Variants in NANP observed in about 807,000 individuals in gnomAD.
NANP encodes the protein N-acylneuraminate-9-phosphatase.
In NANP, 15 loss-of-function variants were observed where a neutral mutation model predicts 16.9. That is an observed-to-expected ratio of 0.89 (90% CI 0.59 to 1.37). The LOEUF (loss-of-function observed/expected upper bound fraction) is 1.37, where lower values mean the gene tolerates loss of function less well. Among genes scored for constraint, NANP ranks in the 40% most tolerant of loss-of-function variants. NANP has a pLI of 0.00. For missense variants in NANP, 290 were observed against 303.5 expected (o/e 0.96, Z 0.33); for synonymous variants, 135 against 112.6 (o/e 1.20, Z -1.26).
At chr20:25,621,717 G>A (rs980750311) in intron 1 of NANP, among the ~76,000 whole-genome samples, 2 of 152,176 alleles carry the variant, frequency 1.3e-5, no homozygotes, top group Non-Finnish European at 2.9e-5. Flanking sequence ...AACACACCCG[G>A]CTAATTTTTG....
At chr20:25,620,253 T>C (rs1278504122) in intron 1 of NANP, among the ~76,000 whole-genome samples, 5 of 152,202 alleles carry the variant, frequency 3.3e-5, no homozygotes, top group South Asian at 4.1e-4. Context: ...GGCGTGATGA[T>C]ACTTTGTGTC....
At chr20:25,621,679 C>T (rs951250130) in intron 1 of NANP, among the ~76,000 whole-genome samples, 1 of 152,206 alleles carries the variant, frequency 6.6e-6, no homozygotes, top group Non-Finnish European at 1.5e-5. Flanking sequence ...CTCAGCCTCC[C>T]CAGTAGCTGG....
chr20:25,621,168 G>A (rs963872911), intron 1 of NANP, among the ~76,000 whole-genome samples: 8 of 152,116 alleles, frequency 5.3e-5, no homozygotes, highest in African/African-American at 1.9e-4. Context: ...CAGCGCTTCT[G>A]TTATTTTTAT....
In NANP at chr20:25,616,085, T is replaced by A. The variant is rs1249308029; in HGVS notation, c.587A>T (p.Gln196Leu). 1 of 1,614,208 alleles carries A rather than the reference T, an allele frequency of 6.2e-7. No homozygotes were observed. Among genetic ancestry groups the A allele is most frequent in the Non-Finnish European group, 8.5e-7 (1 of 1,180,038 alleles). ...TTTCAATCCTGCATTGAGGCCTCCT[T>A]GGATGTCGGTTTCTAATGTGTCACC... ...MVGDTLETDI[Q>L]GGLNAGLKAT... The change falls in exon 2 of 2, where the codon CAA (glutamine) becomes CTA (leucine). Residue 196 changes from glutamine (Q) to leucine (L), a missense_variant. By Grantham distance (113) the Gln-to-Leu change is moderately radical. Transcript: ENST00000304788.
Position 25,616,016 on chromosome 20 carries a change from G to A in NANP, c.656C>T (p.Ser219Phe). 6.2e-7 allele frequency: 1 copy of A among 1,614,184 alleles called. No homozygotes were observed. Among genetic ancestry groups the A allele is most frequent in the East Asian group, 2.2e-5 (1 of 44,888 alleles). Residue 219 changes from serine to phenylalanine, a missense_variant, in exon 2 of 2, where the codon TCC (serine) becomes TTC (phenylalanine). Physicochemically the swap from Ser to Phe is radical, Grantham distance 155. Transcript: ENST00000304788. ...AACCATGTAATGCGGAACTGGGGAG[G>A]ACTTCAGTGGCACTATTCCATTTTT... ...INKNGIVPLKSSPVPHYMVSS... is the reference protein window; with the variant it reads ...INKNGIVPLKFSPVPHYMVSS...
chr20:25,620,427 G>A (rs2065359836), intron 1 of NANP, among the ~76,000 whole-genome samples: 1 of 152,146 alleles, frequency 6.6e-6, no homozygotes, highest in Admixed American at 6.5e-5. Flanking sequence ...GGCTCTCTCT[G>A]AACGTATACG....
Position 25,613,760 on chromosome 20 carries a change from A to G in NANP, c.*2165T>C, listed in dbSNP as rs1472786620. On this transcript the variant is annotated 3_prime_UTR_variant, in exon 2 of 2. Transcript: ENST00000304788. Reference sequence around the variant, plus strand: ...TAATTATTCAATTTTTTCCTTCTACATCATTTCTGCTGGAGAACTGCTCAC... The same window carrying G: ...TAATTATTCAATTTTTTCCTTCTACGTCATTTCTGCTGGAGAACTGCTCAC... 3 of 398,444 alleles carry G rather than the reference A, an allele frequency of 7.5e-6. No homozygotes were observed. In the Admixed American group the frequency reaches 1.3e-4, roughly 18 times the overall value. 24.7% of individuals were successfully genotyped at this position (398,444 alleles called of 1,614,324 possible). A position where few individuals can be genotyped will look rare whatever the true frequency, so the allele number is the denominator to read the frequency against.
intron 1 of NANP, among the ~76,000 whole-genome samples, chr20:25,616,801 A>AATATATATG (rs2065345655): frequency 1.3e-5 from 2 of 152,160 alleles, no homozygotes; most frequent in African/African-American, 4.8e-5. Context: ...TTTTAAAGCC[A>AATATATATG]ACTTCTTCAT....
In NANP at chr20:25,615,934, C is replaced by T; in HGVS notation, c.738G>A (p.Met246Ile). The part of the protein sequence containing the change: ...LLQSIDCKVS[M>I]ST ...TGCCCTTTTATGTGCTTTAAGTGGACATACTGACTTTGCAGTCTATACTTT... is the reference window on the plus strand; with the variant it reads ...TGCCCTTTTATGTGCTTTAAGTGGATATACTGACTTTGCAGTCTATACTTT... The change falls in exon 2 of 2, where the codon ATG becomes ATA. Residue 246 changes from methionine to isoleucine, a missense_variant. Transcript: ENST00000304788. 1.2e-6 allele frequency: 2 copies of T among 1,609,984 alleles called. No individual in the cohort carries two copies. The highest frequency in any genetic ancestry group is 1.1e-5 in the South Asian group (1 of 90,374).
Position 25,616,419 on chromosome 20 carries a change from CTT to C in NANP, c.251_252del (p.Lys84ArgfsTer6). On this transcript the variant is annotated frameshift_variant, in exon 2 of 2. Coordinates refer to ENST00000304788, the MANE Select transcript of NANP (RefSeq NM_152667.3). LOFTEE classifies it high-confidence loss of function. ...GCCAATTTTCTATTGGCTGCACCAC[CTT>C]TTGTTTCCTGGATTGCTTCTTCCCA... ...SHWEEAIQET[K>X]GGAANRKLAE... is the part of the protein sequence containing the mutation. 1 of 1,614,150 alleles carries C rather than the reference CTT, an allele frequency of 6.2e-7. No homozygotes were observed. Among genetic ancestry groups the C allele is most frequent in the Non-Finnish European group, 8.5e-7 (1 of 1,180,020 alleles).
At chr20:25,620,081 C>T (rs925585752) in intron 1 of NANP, among the ~76,000 whole-genome samples, 4 of 152,206 alleles carry the variant, frequency 2.6e-5, no homozygotes, top group Non-Finnish European at 5.9e-5. Flanking sequence ...ACAATATTAA[C>T]ATCTTTAGGA....
Position 25,613,146 on chromosome 20 carries a change from A to G in NANP, c.*2779T>C, listed in dbSNP as rs1408226256. On this transcript the variant is annotated 3_prime_UTR_variant, in exon 2 of 2. Coordinates refer to ENST00000304788, the MANE Select transcript of NANP (RefSeq NM_152667.3). ...ATGTTATATTTATATTTATTTATATACATGTGTTATATTTATATTTATATA... is the reference window on the plus strand; with the variant it reads ...ATGTTATATTTATATTTATTTATATGCATGTGTTATATTTATATTTATATA... 2.0e-5 allele frequency: 3 copies of G among 151,824 alleles called. No homozygotes were observed. Among genetic ancestry groups the G allele is most frequent in the South Asian group, 2.1e-4 (1 of 4,824 alleles). The allele number at this position is 151,824 out of a possible 1,614,324, so 9.4% of individuals were successfully genotyped here. A position where few individuals can be genotyped will look rare whatever the true frequency, so the allele number is the denominator to read the frequency against.
intron 1 of NANP, among the ~76,000 whole-genome samples, chr20:25,619,094 A>G (rs1441295658): frequency 6.6e-6 from 1 of 152,084 alleles, no homozygotes; most frequent in African/African-American, 2.4e-5. Context: ...CCCTCAGAGT[A>G]AAAGAATCAC....
At chr20:25,618,014 A>T (rs549074912) in intron 1 of NANP, among the ~76,000 whole-genome samples, 1 of 152,132 alleles carries the variant, frequency 6.6e-6, no homozygotes, top group Admixed American at 6.6e-5. Flanking sequence ...CCATGTTCCA[A>T]ATTAGGCAGG....
In NANP at chr20:25,614,118, T is replaced by A; in HGVS notation, c.*1807A>T. On this transcript the variant is annotated 3_prime_UTR_variant, in exon 2 of 2. Coordinates refer to ENST00000304788, the MANE Select transcript of NANP (RefSeq NM_152667.3). ...ACAGTCAAGGGCACAATCACATTTT[T>A]AAAAATCTAGAGCGAAAAGTAAACA... 9.0e-6 allele frequency: 3 copies of A among 335,008 alleles called. No homozygotes were observed. The highest frequency in any genetic ancestry group is 1.1e-5 in the Non-Finnish European group (2 of 186,216). The allele number at this position is 335,008 out of a possible 1,614,324, so 20.8% of individuals were successfully genotyped here.
rs1336316336 is a variant in NANP at position 25,614,167 on chromosome 20, G to A, written c.*1758C>T. On this transcript the variant is annotated 3_prime_UTR_variant, in exon 2 of 2. Coordinates refer to ENST00000304788, the MANE Select transcript of NANP (RefSeq NM_152667.3). ...CACGAAAGGGCATTTGCATGAGGCA[G>A]AGAATTCTGTTTCTTGGCAGTAGAC... The A allele has an allele frequency of 8.7e-6, 2 of 230,986 alleles. No individual in the cohort carries two copies. Among genetic ancestry groups the A allele is most frequent in the East Asian group, 8.5e-5 (1 of 11,800 alleles). 14.3% of individuals were successfully genotyped at this position (230,986 alleles called of 1,614,324 possible).
In NANP at chr20:25,616,010, G is replaced by C. The variant is rs1488334770; in HGVS notation, c.662C>G (p.Pro221Arg). 1 of 1,614,184 alleles carries C rather than the reference G, an allele frequency of 6.2e-7. No individual in the cohort carries two copies. The highest frequency in any genetic ancestry group is 2.2e-5 in the East Asian group (1 of 44,890). The change falls in exon 2 of 2, where the codon CCA (proline) becomes CGA (arginine). Residue 221 changes from proline (P) to arginine (R), a missense_variant. Pro to Arg is a moderately radical substitution (Grantham distance 103, BLOSUM62 -2). Transcript: ENST00000304788. ...KNGIVPLKSS[P>R]VPHYMVSSVL... ...AGAAGAAACCATGTAATGCGGAACT[G>C]GGGAGGACTTCAGTGGCACTATTCC...
At chr20:25,620,634 C>A (rs1336204687) in intron 1 of NANP, among the ~76,000 whole-genome samples, 1 of 152,168 alleles carries the variant, frequency 6.6e-6, no homozygotes, top group Non-Finnish European at 1.5e-5. Context: ...AGCAGGTGCA[C>A]CTGACAGCAC....
chr20:25,618,113 T>C (rs1195764238), intron 1 of NANP, among the ~76,000 whole-genome samples: 2 of 149,564 alleles, frequency 1.3e-5, no homozygotes, highest in Non-Finnish European at 2.9e-5. Context: ...CTTTGCACTA[T>C]GTGTTAAGCA....
Sources: gnomAD v4.1 joint callset for allele counts (sites outside exome capture counted in the v4.1 genomes callset) on GRCh38, gnomAD v4.1.1 for gene constraint, MANE v1.5 for transcripts, NCBI Gene and HGNC (gene_info 2026-07-23, HGNC 2026-07-21) for gene names.